The following DGKH variants were observed in gnomAD, a reference collection of about 807,000 sequenced individuals.
The protein encoded by DGKH is diacylglycerol kinase eta.
DGKH carries 90 observed loss-of-function variants against 159.3 expected under a neutral mutation model. That is an observed-to-expected ratio of 0.57 (90% CI 0.48 to 0.67). The LOEUF (loss-of-function observed/expected upper bound fraction) is 0.67, where lower values mean the gene tolerates loss of function less well. DGKH is among the 30% of genes least tolerant of loss of function. The pLI is 0.00. For missense variants in DGKH, 1,181 were observed against 1,506.1 expected (o/e 0.78, Z 3.57); for synonymous variants, 536 against 553.8 (o/e 0.97, Z 0.45).
intron 29 of DGKH, among the ~76,000 whole-genome samples, chr13:42,251,401 C>T (rs1958619162): frequency 6.6e-6 from 1 of 152,054 alleles, no homozygotes; most frequent in Non-Finnish European, 1.5e-5. Context: ...AATTGAGTCC[C>T]TGTCTGAAAA....
chr13:42,225,193 G>A, intron 29 of DGKH: 1 of 1,275,266 alleles, frequency 7.8e-7, no homozygotes, highest in South Asian at 1.3e-5. Context: ...ACAATGCTGG[G>A]ATTACTGGTG....
intron 13 of DGKH, among the ~76,000 whole-genome samples, chr13:42,184,786 G>A (rs1291623468): frequency 6.6e-6 from 1 of 151,888 alleles, no homozygotes; most frequent in African/African-American, 2.4e-5. Flanking sequence ...AGGATCACTT[G>A]AGCCCAGGAG....
In DGKH at chr13:42,178,218, C is replaced by T. The variant is rs1372322421; in HGVS notation, c.1536C>T (p.Ala512=). The T allele has an allele frequency of 6.3e-6, 10 of 1,588,020 alleles. No individual in the cohort carries two copies. The African/African-American group carries it at 8.0e-5, about 13-fold the overall frequency. ...SDEHAVVISS[A]KTLCETVKDF... ...AACATGCAGTGGTCATATCTTCTGC[C>T]AAGTGAGTTGTGGGTTTTAAGTCTT... Residue 512 remains alanine (A), a splice_region_variant and synonymous_variant, in exon 13 of 30, where the codon GCC becomes GCT. Transcript: ENST00000337343.
intron 7 of DGKH, among the ~76,000 whole-genome samples, chr13:42,161,319 C>T (rs2137981917): frequency 6.6e-6 from 1 of 152,322 alleles, no homozygotes; most frequent in East Asian, 1.9e-4. Flanking sequence ...GATTTCTCTA[C>T]TTCTAGAGCT....
chr13:42,211,332 A>G (rs1364319795), intron 24 of DGKH, among the ~76,000 whole-genome samples: 4 of 152,210 alleles, frequency 2.6e-5, no homozygotes, highest in East Asian at 1.9e-4. Flanking sequence ...GATGAGTCCT[A>G]TAAGCACATT....
At chr13:42,222,622 C>T (rs540883796) in intron 29 of DGKH, among the ~76,000 whole-genome samples, 6 of 152,096 alleles carry the variant, frequency 3.9e-5, no homozygotes, top group Admixed American at 6.5e-5. Flanking sequence ...TCATGATATC[C>T]AACATGTTTT....
At chr13:42,227,127 A>G (rs1282083074) in intron 29 of DGKH, among the ~76,000 whole-genome samples, 2 of 152,136 alleles carry the variant, frequency 1.3e-5, no homozygotes, top group East Asian at 3.9e-4. Context: ...GGAGGGGAGA[A>G]TATCAGGATA....
intron 1 of DGKH, among the ~76,000 whole-genome samples, chr13:42,123,664 A>T (rs1353167629): frequency 6.6e-6 from 1 of 152,242 alleles, no homozygotes; most frequent in Non-Finnish European, 1.5e-5. Flanking sequence ...GTTCAATTTT[A>T]AAAATGGACT....
chr13:42,127,417 T>C, intron 1 of DGKH, 46 bp from the exon 2 acceptor site: 6 of 1,419,160 alleles, frequency 4.2e-6, no homozygotes, highest in Non-Finnish European at 5.9e-6. Context: ...TCATTTGGTT[T>C]TGAATTTCAT....
At chr13:42,174,202 A>G in intron 12 of DGKH, 58 bp downstream of exon 12, 1 of 1,365,006 alleles carries the variant, frequency 7.3e-7, no homozygotes, top group East Asian at 2.3e-5. Context: ...TGAGAAAAAA[A>G]AAAGAAAGAG....
At chr13:42,069,277 G>A in intron 1 of DGKH, 6 of 1,070,944 alleles carry the variant, frequency 5.6e-6, no homozygotes, top group Non-Finnish European at 6.9e-6. Context: ...TGATTTATGA[G>A]AAAACAGTTC....
At position 42,236,401 on chromosome 13, in the gene DGKH, TA is replaced by T. The variant is rs199680111; in HGVS notation, c.*7220del. 1.8e-4 allele frequency: 28 copies of T among 152,226 alleles called. No homozygotes were observed. The East Asian group carries it at 5.4e-3, about 29-fold the overall frequency. The allele number at this position is 152,226 out of a possible 1,614,324, so 9.4% of individuals were successfully genotyped here. ...AGCGGAATAGTAATAGACACTTTGT[TA>T]AAAAAATAAGTTTCATGTTTAAAAT... On this transcript the variant is annotated 3_prime_UTR_variant, in exon 30 of 30. Transcript: ENST00000337343.
intron 13 of DGKH, among the ~76,000 whole-genome samples, chr13:42,184,667 G>A (rs917595527): frequency 3.3e-5 from 5 of 151,914 alleles, no homozygotes; most frequent in Non-Finnish European, 7.4e-5. Context: ...TTAGAGACCA[G>A]CTGGGGCGAC....
intron 1 of DGKH, among the ~76,000 whole-genome samples, chr13:42,066,879 G>A (rs1466075213): frequency 1.3e-5 from 2 of 152,132 alleles, no homozygotes; most frequent in African/African-American, 4.8e-5. Flanking sequence ...TCAGGCATGA[G>A]CTATAGTGCC....
intron 9 of DGKH, 108 bp from the exon 10 acceptor site, chr13:42,168,332 G>A: frequency 3.4e-6 from 3 of 876,680 alleles, no homozygotes; most frequent in Non-Finnish European, 5.1e-6. Context: ...CATGTAAGTA[G>A]GAGTTCTTAT....
rs144798252 is a variant in DGKH, at chr13:42,232,138, C to G, written c.*2950C>G. The G allele has an allele frequency of 2.1e-4, 32 of 152,316 alleles. No homozygotes were observed. Among genetic ancestry groups the G allele is most frequent in the African/African-American group, 7.0e-4 (29 of 41,556 alleles). The allele number at this position is 152,316 out of a possible 1,614,324, so 9.4% of individuals were successfully genotyped here. On this transcript the variant is annotated 3_prime_UTR_variant, in exon 30 of 30. Coordinates refer to ENST00000337343, the MANE Select transcript of DGKH (RefSeq NM_178009.5). ...GTAGGGAAGAGCTTCTCCATGGGATCAGATCACAGCTTTGGGGAGTGGGAT... is the reference window on the plus strand; with the variant it reads ...GTAGGGAAGAGCTTCTCCATGGGATGAGATCACAGCTTTGGGGAGTGGGAT...
chr13:42,256,379 A>C (rs1958657465), exon 31 of DGKH: 1 of 1,584,024 alleles, frequency 6.3e-7, no homozygotes, highest in Admixed American at 1.7e-5. Context: ...GACAGCTCTC[A>C]ATCCTCGTAT....
chr13:42,131,480 T>C (rs1955289325), intron 3 of DGKH, among the ~76,000 whole-genome samples: 1 of 152,152 alleles, frequency 6.6e-6, no homozygotes, highest in Non-Finnish European at 1.5e-5. Flanking sequence ...CCAGGAAGTT[T>C]ATATATTTCA....
chr13:42,194,020 A>G (rs952348356), intron 16 of DGKH, among the ~76,000 whole-genome samples: 7 of 152,310 alleles, frequency 4.6e-5, no homozygotes, highest in Middle Eastern at 6.8e-3. Context: ...TTTTAAATGT[A>G]TTGAGCTTTT....
Sources: gnomAD v4.1 joint callset for allele counts (sites outside exome capture counted in the v4.1 genomes callset) on GRCh38, gnomAD v4.1.1 for gene constraint, MANE v1.5 for transcripts, NCBI Gene and HGNC (gene_info 2026-07-23, HGNC 2026-07-21) for gene names.